Variants in VPS13B observed in about 807,000 individuals in gnomAD.
VPS13B encodes intermembrane lipid transfer protein VPS13B.
Under a neutral mutation model 426.4 loss-of-function variants are expected in VPS13B, and 285 were observed. The ratio of observed to expected loss-of-function variants is 0.67; its 90% CI spans 0.61 to 0.74. VPS13B has a LOEUF of 0.74. Among genes scored for constraint, VPS13B ranks in the 30% least tolerant of loss-of-function variants. The pLI is 0.00. For missense variants in VPS13B, 4,537 were observed against 4,782.6 expected, an observed-to-expected ratio of 0.95 and a Z score of 1.51; for synonymous variants, 1,676 against 1,676.4, an observed-to-expected ratio of 1.00 and a Z score of 0.01.
At chr8:99,231,021 G>A (rs1245457075) in intron 17 of VPS13B, among the ~76,000 whole-genome samples, 1 of 152,134 alleles carries the variant, frequency 6.6e-6, no homozygotes, top group Non-Finnish European at 1.5e-5. Context: ...TTTTGTTAAT[G>A]TTTCAGTGTT....
intron 15 of VPS13B, among the ~76,000 whole-genome samples, chr8:99,158,945 A>G (rs1485343805): frequency 1.3e-5 from 2 of 152,252 alleles, no homozygotes; most frequent in Admixed American, 6.5e-5. Context: ...TACCATAGAT[A>G]GCCATTCTTC....
intron 31 of VPS13B, among the ~76,000 whole-genome samples, chr8:99,560,810 T>C (rs997703263): frequency 6.6e-6 from 1 of 152,232 alleles, no homozygotes; most frequent in African/African-American, 2.4e-5. Context: ...TTCCTATTCC[T>C]TATCTTTACA....
chr8:99,460,399 A>G (rs1359984945), intron 23 of VPS13B, among the ~76,000 whole-genome samples: 1 of 152,160 alleles, frequency 6.6e-6, no homozygotes, highest in African/African-American at 2.4e-5. Context: ...TGACACATAT[A>G]TCTACATATA....
At chr8:99,287,788 A>G (rs1047242471) in intron 19 of VPS13B, among the ~76,000 whole-genome samples, 1 of 152,048 alleles carries the variant, frequency 6.6e-6, no homozygotes, top group African/African-American at 2.4e-5. Flanking sequence ...TACCTGTGAA[A>G]TTGATAAATG....
At chr8:99,331,871 G>A (rs1810562975) in intron 19 of VPS13B, among the ~76,000 whole-genome samples, 1 of 151,714 alleles carries the variant, frequency 6.6e-6, no homozygotes, top group African/African-American at 2.4e-5. Context: ...ACAAGAAATT[G>A]TATTTGGAGT....
At chr8:99,487,766 G>A (rs190445381) in intron 25 of VPS13B, among the ~76,000 whole-genome samples, 1 of 152,076 alleles carries the variant, frequency 6.6e-6, no homozygotes, top group African/African-American at 2.4e-5. Flanking sequence ...CTTTCTTTGT[G>A]TGTATCAGAA....
intron 54 of VPS13B, among the ~76,000 whole-genome samples, chr8:99,837,175 G>A (rs1278932643): frequency 1.3e-5 from 2 of 152,198 alleles, no homozygotes; most frequent in Admixed American, 1.3e-4. Flanking sequence ...GAGAAGAGCA[G>A]TAGCTGTGGA....
chr8:99,612,885 T>G (rs1227729756), intron 33 of VPS13B, among the ~76,000 whole-genome samples: 2 of 152,166 alleles, frequency 1.3e-5, no homozygotes, highest in East Asian at 3.8e-4. Flanking sequence ...TTTCCTACTA[T>G]CATTCCTTTA....
intron 3 of VPS13B, among the ~76,000 whole-genome samples, chr8:99,066,899 T>C (rs376446846): frequency 1.6e-3 from 237 of 152,336 alleles, no homozygotes; most frequent in African/African-American, 5.3e-3. Context: ...AAAATGCTCA[T>C]CATTACTGGT....
At chr8:99,084,872 G>T (rs1377493563) in intron 3 of VPS13B, among the ~76,000 whole-genome samples, 2 of 152,052 alleles carry the variant, frequency 1.3e-5, no homozygotes, top group Admixed American at 1.3e-4. Context: ...CTTTACTTCC[G>T]ACTATGTGAT....
intron 17 of VPS13B, chr8:99,233,861 A>G (rs2132864628): frequency 3.8e-6 from 3 of 780,034 alleles, no homozygotes; most frequent in Admixed American, 1.7e-5. Context: ...CTCTTTCTGC[A>G]TGCTTTCAAG....
chr8:99,212,082 G>A (rs963043579), intron 17 of VPS13B, among the ~76,000 whole-genome samples: 36 of 152,048 alleles, frequency 2.4e-4, no homozygotes, highest in Middle Eastern at 3.4e-3. Flanking sequence ...TAGTAGAGAC[G>A]GGGTTTCACC....
intron 17 of VPS13B, among the ~76,000 whole-genome samples, chr8:99,205,266 A>G (rs555826679): frequency 6.6e-6 from 1 of 152,252 alleles, no homozygotes; most frequent in Non-Finnish European, 1.5e-5. Flanking sequence ...AGAAAACCAA[A>G]CACCACGTGT....
intron 1 of VPS13B, 58 bp from the exon 2 acceptor site, chr8:99,013,702 G>GA: frequency 5.2e-6 from 8 of 1,542,260 alleles, no homozygotes; most frequent in Non-Finnish European, 7.2e-6. Flanking sequence ...CTGAGATAAC[G>GA]AACGCTCTTT....
chr8:99,379,341 A>G (rs1030832092), intron 19 of VPS13B, among the ~76,000 whole-genome samples: 2 of 150,070 alleles, frequency 1.3e-5, no homozygotes, highest in African/African-American at 4.9e-5. Context: ...TCCCAGTTAC[A>G]TTTTTTTTTG....
intron 21 of VPS13B, among the ~76,000 whole-genome samples, chr8:99,400,604 T>C (rs1175554579): frequency 5.3e-5 from 8 of 152,230 alleles, no homozygotes; most frequent in Non-Finnish European, 1.2e-4. Flanking sequence ...AGTTGTACTA[T>C]TCAGATGGAA....
intron 39 of VPS13B, among the ~76,000 whole-genome samples, chr8:99,726,152 C>G (rs984840968): frequency 2.0e-5 from 3 of 152,076 alleles, no homozygotes; most frequent in Non-Finnish European, 4.4e-5. Flanking sequence ...AAAAACATGT[C>G]TATAATAATA....
At chr8:99,392,485 C>T (rs1367893639) in intron 21 of VPS13B, among the ~76,000 whole-genome samples, 1 of 151,844 alleles carries the variant, frequency 6.6e-6, no homozygotes, top group African/African-American at 2.4e-5. Flanking sequence ...TCTTATAACG[C>T]AGATATTCCC....
rs1366914670 is a variant in VPS13B, at chr8:99,581,022, CACACACACAA to C, written c.5220+3391_5220+3400del. Among the ~76,000 whole-genome samples the C allele has an allele frequency of 6.7e-5, 10 of 149,700 alleles. No homozygotes were observed. In the East Asian group the frequency reaches 2.0e-3, roughly 30 times the overall value. Reference sequence around the variant, plus strand: ...ACACACACACACACACACACACACACACACACACAAATTAGGCAGGCATGGTGGCATGTGC... The same window carrying C: ...ACACACACACACACACACACACACACATTAGGCAGGCATGGTGGCATGTGC... On this transcript the variant is annotated intron_variant, in intron 33 of 61. Transcript: ENST00000357162.
Sources: allele counts gnomAD v4.1 joint callset (sites outside exome capture counted in the v4.1 genomes callset), GRCh38; gene constraint gnomAD v4.1.1; transcripts MANE v1.5; gene names NCBI Gene and HGNC (gene_info 2026-07-23, HGNC 2026-07-21).